The following ASTN2 variants were observed in gnomAD, a reference collection of about 807,000 sequenced individuals.
ASTN2 encodes astrotactin-2.
A neutral mutation model predicts 139.8 loss-of-function variants in ASTN2; 54 were observed. That is an observed-to-expected ratio of 0.39 (90% CI 0.31 to 0.48). The LOEUF (loss-of-function observed/expected upper bound fraction) is 0.48, where lower values mean the gene tolerates loss of function less well. Among genes scored for constraint, ASTN2 ranks in the 20% least tolerant of loss-of-function variants. ASTN2 has a pLI of 0.95. For missense variants in ASTN2, 1,565 were observed against 1,725.1 expected, an observed-to-expected ratio of 0.91 and a Z score of 1.64; for synonymous variants, 756 against 719.5, an observed-to-expected ratio of 1.05 and a Z score of -0.81.
At chr9:117,049,578 T>C (rs886263550) in intron 5 of ASTN2, among the ~76,000 whole-genome samples, 3 of 152,196 alleles carry the variant, frequency 2.0e-5, no homozygotes, top group African/African-American at 7.2e-5. Context: ...TTATCCTATT[T>C]AAACTTCTCA....
At chr9:116,516,309 T>C (rs1850646309) in intron 19 of ASTN2, among the ~76,000 whole-genome samples, 1 of 152,222 alleles carries the variant, frequency 6.6e-6, no homozygotes, top group Admixed American at 6.5e-5. Flanking sequence ...TCTGTCTTTA[T>C]ATCCTGCTGG....
At chr9:116,544,659 G>A (rs573579354) in intron 19 of ASTN2, among the ~76,000 whole-genome samples, 51 of 152,240 alleles carry the variant, frequency 3.3e-4, no homozygotes, top group Non-Finnish European at 6.8e-4. Flanking sequence ...GTTTACACTG[G>A]AACAAAGTTA....
chr9:117,100,093 A>G (rs1820774643), intron 4 of ASTN2, among the ~76,000 whole-genome samples: 1 of 152,196 alleles, frequency 6.6e-6, no homozygotes, highest in African/African-American at 2.4e-5. Flanking sequence ...ATTGACTCCA[A>G]CACCTGGACC....
chr9:116,937,714 G>A (rs920397755), intron 10 of ASTN2, among the ~76,000 whole-genome samples: 2 of 152,182 alleles, frequency 1.3e-5, no homozygotes, highest in South Asian at 2.1e-4. Flanking sequence ...AAAAGGAATT[G>A]AAATTAAAAA....
chr9:117,373,773 T>A (rs1401298951), intron 1 of ASTN2, among the ~76,000 whole-genome samples: 3 of 152,086 alleles, frequency 2.0e-5, no homozygotes, highest in Non-Finnish European at 4.4e-5. Context: ...ATGTGGACAA[T>A]TAGGAAGTAA....
intron 4 of ASTN2, among the ~76,000 whole-genome samples, chr9:117,130,066 G>A (rs1418485244): frequency 6.6e-6 from 1 of 152,128 alleles, no homozygotes; most frequent in African/African-American, 2.4e-5. Flanking sequence ...CAGCAATTTG[G>A]GAGGCCAAGG....
At chr9:116,567,033 C>A (rs936316993) in intron 19 of ASTN2, among the ~76,000 whole-genome samples, 2 of 152,214 alleles carry the variant, frequency 1.3e-5, no homozygotes, top group Non-Finnish European at 2.9e-5. Context: ...AACACACTAT[C>A]CTCAATGTAC....
At chr9:116,508,062 A>C (rs1346753975) in intron 19 of ASTN2, among the ~76,000 whole-genome samples, 1 of 151,492 alleles carries the variant, frequency 6.6e-6, no homozygotes, top group East Asian at 1.9e-4. Context: ...CTAATTTTGT[A>C]ATTTTTTTAG....
chr9:117,322,872 C>T (rs1828378245), intron 1 of ASTN2, among the ~76,000 whole-genome samples: 1 of 152,100 alleles, frequency 6.6e-6, no homozygotes, highest in Non-Finnish European at 1.5e-5. Context: ...TGGGCATTTT[C>T]AACACTCTCC....
intron 19 of ASTN2, among the ~76,000 whole-genome samples, chr9:116,519,418 C>A (rs1227437451): frequency 6.6e-6 from 1 of 151,604 alleles, no homozygotes; most frequent in Non-Finnish European, 1.5e-5. Flanking sequence ...ATTGGGTCAA[C>A]AATGAAATCA....
At position 116,462,992 on chromosome 9, in the gene ASTN2, C is replaced by T. The variant is rs553028231; in HGVS notation, c.3498-20439G>A. Among the ~76,000 whole-genome samples the T allele has an allele frequency of 6.3e-4, 96 of 152,274 alleles. 1 individual carries two copies. The highest frequency in any genetic ancestry group is 2.2e-3 in the African/African-American group (90 of 41,554). The stretch of plus-strand genomic sequence containing the variant: ...AAACTGTTCTTCCTGTCATCCTCCC[C>T]ATCATGGTGAATGGCAGCAGCATCC... On this transcript the variant is annotated intron_variant, in intron 20 of 22. Transcript: ENST00000313400.
chr9:116,624,939 A>C (rs2131841679), intron 17 of ASTN2, among the ~76,000 whole-genome samples: 1 of 152,286 alleles, frequency 6.6e-6, no homozygotes, highest in Non-Finnish European at 1.5e-5. Context: ...ATTTAACATA[A>C]GGCAGTCAAT....
chr9:116,962,342 C>G (rs1835897767), intron 10 of ASTN2, among the ~76,000 whole-genome samples: 1 of 152,200 alleles, frequency 6.6e-6, no homozygotes, highest in South Asian at 2.1e-4. Flanking sequence ...ACTAAGCCAA[C>G]AGGAGAGAGA....
intron 19 of ASTN2, among the ~76,000 whole-genome samples, chr9:116,498,419 T>TAA (rs146595162): frequency 0.018 from 2,676 of 148,720 alleles, 49 homozygotes; most frequent in Middle Eastern, 0.08. Flanking sequence ...ACCCCATCTC[T>TAA]AAAAAAAAAC....
intron 20 of ASTN2, among the ~76,000 whole-genome samples, chr9:116,446,249 G>GGGGAGGGAGAGA (rs1847985772): frequency 9.5e-6 from 1 of 105,552 alleles, no homozygotes; most frequent in Non-Finnish European, 1.9e-5. Context: ...GAGACAGAGG[G>GGGGAGGGAGAGA]GAGAGGGAGA....
rs751026997 is a variant in ASTN2, at chr9:116,626,154, G to GTTTTTTTTTTTT, written c.3073-5723_3073-5712dup. ...ACCACCATGCCTGGTTAGTTTTTGT[G>GTTTTTTTTTTTT]TTTTTTTTTTTTTTTTTTTTTTTTT... On this transcript the variant is annotated intron_variant, in intron 17 of 22. Coordinates refer to ENST00000313400, the MANE Select transcript of ASTN2 (RefSeq NM_001365068.1). 1.8e-3 allele frequency among the ~76,000 whole-genome samples: 61 copies of GTTTTTTTTTTTT among 34,432 alleles called. 2 individuals carry two copies. Among genetic ancestry groups the GTTTTTTTTTTTT allele is most frequent in the Non-Finnish European group, 3.0e-3 (53 of 17,898 alleles). The allele number at this position is 34,432 out of a possible 152,430, so 22.6% of individuals were successfully genotyped here.
chr9:116,725,838 C>T lies in ASTN2; in HGVS notation c.2739G>A (p.Glu913=). The T allele has an allele frequency of 6.2e-7, 1 of 1,614,006 alleles. No homozygotes were observed. The highest frequency in any genetic ancestry group is 8.5e-7 in the Non-Finnish European group (1 of 1,180,020). ...TGGGAAAGTGGATGATGCAGGTGAG[C>T]TCTGAGCCATAGAGGGCCTCTGCGA... The part of the protein sequence containing the change: ...HYIAEALYGS[E]LTCIIHFPSK... Residue 913 remains glutamate, a synonymous_variant, in exon 16 of 23, where the codon GAG becomes GAA. Transcript: ENST00000313400.
intron 1 of ASTN2, among the ~76,000 whole-genome samples, chr9:117,315,684 T>C (rs1377238915): frequency 6.6e-6 from 1 of 152,210 alleles, no homozygotes; most frequent in Non-Finnish European, 1.5e-5. Flanking sequence ...AGCAGAACTT[T>C]TCATTATGTT....
intron 2 of ASTN2, among the ~76,000 whole-genome samples, chr9:117,254,968 T>C (rs1351818819): frequency 1.3e-5 from 2 of 152,222 alleles, no homozygotes; most frequent in African/African-American, 4.8e-5. Context: ...AAAGTACTGA[T>C]ATAAAGAAGC....
Sources: allele counts gnomAD v4.1 joint callset (sites outside exome capture counted in the v4.1 genomes callset), GRCh38; gene constraint gnomAD v4.1.1; transcripts MANE v1.5; gene names NCBI Gene and HGNC (gene_info 2026-07-23, HGNC 2026-07-21).